The following UST variants were observed in gnomAD, a reference collection of about 807,000 sequenced individuals.
The protein encoded by UST is chondroitin sulfate 2-O-sulfotransferase.
UST carries 21 observed loss-of-function variants against 45.6 expected under a neutral mutation model. The observed-to-expected ratio is 0.46, with a 90% CI of 0.33 to 0.66. The LOEUF (loss-of-function observed/expected upper bound fraction) is 0.66, where lower values mean the gene tolerates loss of function less well. Among genes scored for constraint, UST ranks in the 30% least tolerant of loss-of-function variants. The pLI is 0.02. For missense variants in UST, 463 were observed against 512.4 expected (o/e 0.90, Z 0.93); for synonymous variants, 215 against 200.6 (o/e 1.07, Z -0.61).
intron 7 of UST, among the ~76,000 whole-genome samples, chr6:149,039,238 T>C (rs1198903317): frequency 1.3e-5 from 2 of 152,168 alleles, no homozygotes; most frequent in Non-Finnish European, 2.9e-5. Flanking sequence ...TTTTCATTTG[T>C]TTTTTGAGAT....
chr6:149,001,501 A>G (rs1582953067), intron 5 of UST, among the ~76,000 whole-genome samples: 1 of 152,260 alleles, frequency 6.6e-6, no homozygotes, highest in African/African-American at 2.4e-5. Context: ...CAGATGACCA[A>G]TGAAGGAATC....
At chr6:149,043,856 T>C (rs1464867299) in intron 7 of UST, among the ~76,000 whole-genome samples, 1 of 152,242 alleles carries the variant, frequency 6.6e-6, no homozygotes. Flanking sequence ...CGTTGGTTCC[T>C]GGCATCAGCC....
intron 3 of UST, among the ~76,000 whole-genome samples, chr6:148,949,395 A>AAATAATAATAATAAT (rs71007932): frequency 2.0e-4 from 28 of 136,858 alleles, no homozygotes; most frequent in African/African-American, 6.6e-4. Context: ...CTTTGTCTCA[A>AAATAATAATAATAAT]AATAATAATA....
chr6:148,826,316 T>C (rs1777567029), intron 1 of UST, among the ~76,000 whole-genome samples: 1 of 152,210 alleles, frequency 6.6e-6, no homozygotes, highest in African/African-American at 2.4e-5. Context: ...TTTCGCCATG[T>C]TGGCCAGGCT....
intron 1 of UST, among the ~76,000 whole-genome samples, chr6:148,752,842 T>C (rs990411608): frequency 2.6e-5 from 4 of 152,222 alleles, no homozygotes; most frequent in Admixed American, 6.5e-5. Flanking sequence ...CGCATCTTAT[T>C]TGATGGATTG....
intron 1 of UST, among the ~76,000 whole-genome samples, chr6:148,761,935 G>C (rs945205949): frequency 6.6e-6 from 1 of 152,208 alleles, no homozygotes; most frequent in Non-Finnish European, 1.5e-5. Context: ...AGTAAAAATG[G>C]AGAAACGATT....
chr6:148,851,142 C>T (rs950228147), intron 1 of UST, among the ~76,000 whole-genome samples: 3 of 152,254 alleles, frequency 2.0e-5, no homozygotes, highest in East Asian at 1.9e-4. Flanking sequence ...TAGCCAGGCT[C>T]GCTCCTGCTC....
intron 2 of UST, among the ~76,000 whole-genome samples, chr6:148,917,379 A>T (rs997215622): frequency 6.6e-6 from 1 of 152,262 alleles, no homozygotes; most frequent in African/African-American, 2.4e-5. Flanking sequence ...AGTATTTATT[A>T]TCACAGTCCT....
At chr6:148,952,655 C>G (rs185951768) in intron 3 of UST, among the ~76,000 whole-genome samples, 238 of 152,304 alleles carry the variant, frequency 1.6e-3, no homozygotes, top group African/African-American at 5.3e-3. Flanking sequence ...ATGTTTGAGA[C>G]AAACCTGGAG....
chr6:148,942,152 G>A (rs2114924025), intron 3 of UST, among the ~76,000 whole-genome samples: 1 of 152,240 alleles, frequency 6.6e-6, no homozygotes, highest in Middle Eastern at 3.4e-3. Context: ...ACAGAGTTGG[G>A]TTTGTCATCC....
At chr6:148,916,858 T>A (rs1779600447) in intron 2 of UST, among the ~76,000 whole-genome samples, 1 of 152,256 alleles carries the variant, frequency 6.6e-6, no homozygotes, top group Admixed American at 6.5e-5. Flanking sequence ...AATTTAGCTG[T>A]ATAGCAAAAC....
intron 1 of UST, among the ~76,000 whole-genome samples, chr6:148,797,170 A>AG (rs1277824867): frequency 6.6e-6 from 1 of 152,084 alleles, no homozygotes; most frequent in Non-Finnish European, 1.5e-5. Flanking sequence ...CCAGCTACTC[A>AG]GGAGGCTGAG....
intron 5 of UST, among the ~76,000 whole-genome samples, chr6:148,970,109 AG>A (rs1288896829): frequency 6.6e-6 from 1 of 152,234 alleles, no homozygotes; most frequent in Admixed American, 6.5e-5. Context: ...GTGTATCTAA[AG>A]CAGGAGTCAC....
At chr6:148,976,820 T>C (rs1485079517) in intron 5 of UST, among the ~76,000 whole-genome samples, 1 of 152,202 alleles carries the variant, frequency 6.6e-6, no homozygotes, top group Non-Finnish European at 1.5e-5. Flanking sequence ...TAATCTCTTT[T>C]AACTTTCTTT....
intron 7 of UST, among the ~76,000 whole-genome samples, chr6:149,045,848 A>G (rs1373582156): frequency 6.6e-6 from 1 of 152,122 alleles, no homozygotes; most frequent in African/African-American, 2.4e-5. Flanking sequence ...CAGTGCCACA[A>G]TTTTGCCAGT....
At position 149,028,892 on chromosome 6, in the gene UST, A is replaced by G. The variant is rs185222028; in HGVS notation, c.937+7411A>G. On this transcript the variant is annotated intron_variant, in intron 7 of 7. Transcript: ENST00000367463. ...ATATTCCATGTTATTTAATAGACAT[A>G]GAATGATAATAGAGTTTTTTTAAGT... 5.4e-3 allele frequency among the ~76,000 whole-genome samples: 823 copies of G among 152,356 alleles called. 4 individuals carry two copies. Among genetic ancestry groups the G allele is most frequent in the Non-Finnish European group, 8.7e-3 (592 of 68,022 alleles).
intron 5 of UST, among the ~76,000 whole-genome samples, chr6:149,009,139 T>C (rs1775764345): frequency 6.6e-6 from 1 of 152,158 alleles, no homozygotes. Context: ...CATCCATACA[T>C]AGAGCAGGAT....
At chr6:148,944,820 G>C (rs1022989360) in intron 3 of UST, among the ~76,000 whole-genome samples, 2 of 152,184 alleles carry the variant, frequency 1.3e-5, no homozygotes, top group African/African-American at 4.8e-5. Flanking sequence ...CCTAAAACTA[G>C]ATTTCAGGTC....
chr6:148,887,445 A>C lies in UST; in HGVS notation c.291+416A>C, dbSNP rs141154718. Among the ~76,000 whole-genome samples the C allele has an allele frequency of 1.1e-4, 17 of 152,288 alleles. No homozygotes were observed. In the East Asian group the frequency reaches 3.1e-3, roughly 28 times the overall value. ...CAGCCTAACTGGGTTGGGATACTCC[A>C]CTTGAGGCCCTGCCAATACCACCTC... On this transcript the variant is annotated intron_variant, in intron 2 of 7. Coordinates refer to ENST00000367463, the MANE Select transcript of UST (RefSeq NM_005715.3).
Sources: gnomAD v4.1 joint callset for allele counts (sites outside exome capture counted in the v4.1 genomes callset) on GRCh38, gnomAD v4.1.1 for gene constraint, MANE v1.5 for transcripts, NCBI Gene and HGNC (gene_info 2026-07-23, HGNC 2026-07-21) for gene names.